Variants in PBX1 observed in about 807,000 individuals in gnomAD.
PBX1 encodes the protein pre-B-cell leukemia transcription factor 1.
PBX1 carries 6 observed loss-of-function variants against 53.4 expected under a neutral mutation model. That is an observed-to-expected ratio of 0.11 (90% CI 0.06 to 0.22). The LOEUF is 0.22. Ranked by LOEUF, PBX1 falls within the 10% of genes least tolerant of loss-of-function variation. PBX1 has a pLI of 1.00. For synonymous variants in PBX1, 204 were observed against 212.3 expected, an observed-to-expected ratio of 0.96 and a Z score of 0.34; for missense variants, 251 against 551.4, an observed-to-expected ratio of 0.46 and a Z score of 5.46.
chr1:164,559,816 T>C lies in PBX1; in HGVS notation c.-7T>C, dbSNP rs1418254816. The C allele has an allele frequency of 6.5e-7, 1 of 1,543,660 alleles. No homozygotes were observed. Among genetic ancestry groups the C allele is most frequent in the Non-Finnish European group, 8.7e-7 (1 of 1,143,894 alleles). On this transcript the variant is annotated 5_prime_UTR_variant, in exon 1 of 9. Transcript: ENST00000420696. ...GGAAGAGCCGGGGGCTGCCGTAGCC[T>C]TTGGAGATGGACGAGCAGCCCAGGC...
chr1:164,601,636 G>A (rs1252820625), intron 2 of PBX1, among the ~76,000 whole-genome samples: 2 of 152,286 alleles, frequency 1.3e-5, no homozygotes, highest in Admixed American at 1.3e-4. Flanking sequence ...ACAGGGCATG[G>A]TGTTGCATCT....
At chr1:164,562,038 T>C (rs556393439) in intron 1 of PBX1, among the ~76,000 whole-genome samples, 141 of 152,180 alleles carry the variant, frequency 9.3e-4, no homozygotes, top group African/African-American at 2.8e-3. Context: ...ACTTAGTAGA[T>C]AGTATGTCCT....
intron 8 of PBX1, among the ~76,000 whole-genome samples, chr1:164,838,779 T>A (rs2102405703): frequency 6.6e-6 from 1 of 152,250 alleles, no homozygotes; most frequent in African/African-American, 2.4e-5. Context: ...GCAGTTATGC[T>A]GGGCACCTGC....
intron 6 of PBX1, chr1:164,816,953 T>G (rs1669907616): frequency 6.6e-6 from 1 of 152,170 alleles, no homozygotes; most frequent in Non-Finnish European, 1.5e-5. Context: ...ATGTGGACAC[T>G]TTACCACATC....
At chr1:164,870,213 C>T (rs58896115) in intron 2 of PBX1, among the ~76,000 whole-genome samples, 8,644 of 66,838 alleles carry the variant, frequency 0.13, 711 homozygotes, top group Middle Eastern at 0.21. Context: ...TCTTTCTTTT[C>T]TTTCTTTCCT....
intron 2 of PBX1, among the ~76,000 whole-genome samples, chr1:164,669,651 C>G (rs1463778692): frequency 6.6e-6 from 1 of 152,156 alleles, no homozygotes; most frequent in Non-Finnish European, 1.5e-5. Flanking sequence ...CCCTACTTCC[C>G]TTTCCTGGGT....
chr1:164,583,132 T>TA (rs1322656813), intron 2 of PBX1, among the ~76,000 whole-genome samples: 1 of 152,178 alleles, frequency 6.6e-6, no homozygotes, highest in Non-Finnish European at 1.5e-5. Flanking sequence ...TATTAATAGT[T>TA]ATATTGTACT....
At chr1:164,600,293 C>T (rs4557943) in intron 2 of PBX1, among the ~76,000 whole-genome samples, 45,863 of 148,092 alleles carry the variant, frequency 0.31, 7,361 homozygotes, top group Middle Eastern at 0.37. Context: ...ACTCTGTCGC[C>T]CAGGCTGGAG....
chr1:164,870,192 C>A (rs77254277), intron 2 of PBX1, among the ~76,000 whole-genome samples: 1,504 of 83,896 alleles, frequency 0.018, 42 homozygotes, highest in African/African-American at 0.056. Context: ...TCTCTATTGA[C>A]TTTCTTTCTT....
At chr1:164,874,175 G>A (rs10918086) in intron 2 of PBX1, among the ~76,000 whole-genome samples, 60,378 of 151,856 alleles carry the variant, frequency 0.4, 12,250 homozygotes, top group Middle Eastern at 0.51. Context: ...TCTCTTTTGG[G>A]GTATTTCACT....
intron 2 of PBX1, among the ~76,000 whole-genome samples, chr1:164,584,707 G>A (rs72694595): frequency 6.6e-5 from 10 of 152,212 alleles, no homozygotes; most frequent in Non-Finnish European, 1.2e-4. Context: ...CCTGAGGACC[G>A]TGTGAAGGCA....
At chr1:164,872,382 G>A (rs1672403798) in intron 2 of PBX1, among the ~76,000 whole-genome samples, 1 of 152,286 alleles carries the variant, frequency 6.6e-6, no homozygotes, top group East Asian at 1.9e-4. Flanking sequence ...GAAAGGAGCT[G>A]GAAATTTTCC....
intron 2 of PBX1, among the ~76,000 whole-genome samples, chr1:164,860,341 T>C (rs1275195520): frequency 2.6e-5 from 4 of 152,164 alleles, no homozygotes; most frequent in African/African-American, 9.7e-5. Context: ...TGTATGTAGA[T>C]TTAGGTTGCT....
At chr1:164,832,984 TAAG>T (rs1295825548) in intron 8 of PBX1, among the ~76,000 whole-genome samples, 1 of 151,932 alleles carries the variant, frequency 6.6e-6, no homozygotes, top group African/African-American at 2.4e-5. Context: ...TAAAAAACAA[TAAG>T]GAGAGAAAAT....
intron 2 of PBX1, among the ~76,000 whole-genome samples, chr1:164,710,740 A>G (rs1663712464): frequency 6.6e-6 from 1 of 152,200 alleles, no homozygotes; most frequent in Non-Finnish European, 1.5e-5. Flanking sequence ...AAACGGAGAA[A>G]AGCCTTGAGG....
intron 2 of PBX1, among the ~76,000 whole-genome samples, chr1:164,679,272 T>A (rs56266465): frequency 0.013 from 1,923 of 152,298 alleles, 40 homozygotes; most frequent in African/African-American, 0.044. Context: ...TACAAAACCC[T>A]TGCCAAATTC....
chr1:164,635,665 C>T (rs1171153376), intron 2 of PBX1, among the ~76,000 whole-genome samples: 4 of 151,730 alleles, frequency 2.6e-5, no homozygotes, highest in Admixed American at 6.6e-5. Flanking sequence ...TCTCCTCGGA[C>T]GGATCCACAC....
At chr1:164,567,172 A>G (rs949040678) in intron 2 of PBX1, among the ~76,000 whole-genome samples, 3 of 152,038 alleles carry the variant, frequency 2.0e-5, no homozygotes, top group Non-Finnish European at 4.4e-5. Flanking sequence ...TTGTGTGTCT[A>G]TGTATATGTG....
chr1:164,746,599 A>G (rs1037663949), intron 2 of PBX1, among the ~76,000 whole-genome samples: 2 of 151,494 alleles, frequency 1.3e-5, no homozygotes, highest in Non-Finnish European at 2.9e-5. Flanking sequence ...CTGTTCTCGA[A>G]CCCTTGACCT....
Sources: allele counts gnomAD v4.1 joint callset (sites outside exome capture counted in the v4.1 genomes callset), GRCh38; gene constraint gnomAD v4.1.1; transcripts MANE v1.5; gene names NCBI Gene and HGNC (gene_info 2026-07-23, HGNC 2026-07-21).